Variants in SAMMSON observed in about 807,000 individuals in gnomAD.
SAMMSON encodes the protein survival associated mitochondrial melanoma specific oncogenic non-coding RNA.
chr3:70,339,894 C>T lies in SAMMSON; in HGVS notation n.740-14281C>T, dbSNP rs189301646. 2.0e-3 allele frequency among the ~76,000 whole-genome samples: 303 copies of T among 152,198 alleles called. 3 individuals are homozygous for T. Among genetic ancestry groups the T allele is most frequent in the African/African-American group, 6.7e-3 (277 of 41,510 alleles). On this transcript the variant is annotated intron_variant and non_coding_transcript_variant, in intron 7 of 9. Coordinates refer to ENST00000642114, the Ensembl canonical transcript of SAMMSON. ...GGAAATACCATTTGACCCAGCCATC[C>T]CATTACTGGGTATATACCCAAAGGA... is the stretch of plus-strand genomic sequence containing the variant.
chr3:70,116,318 A>G (rs1271505551), intron 4 of SAMMSON, among the ~76,000 whole-genome samples: 2 of 140,986 alleles, frequency 1.4e-5, no homozygotes, highest in Admixed American at 7.0e-5. Context: ...TTTAAAGAAA[A>G]TAGTCTGCAT....
In SAMMSON at chr3:70,261,664, G is replaced by A. The variant is rs576287760; in HGVS notation, n.674+11994G>A. On this transcript the variant is annotated intron_variant and non_coding_transcript_variant, in intron 6 of 9. Transcript: ENST00000642114. The stretch of plus-strand genomic sequence containing the variant: ...CATAAGTGCAGGACCAGCCAAAACT[G>A]GCCTTATTTTGTTGAAAACAGAATG... 2.0e-5 allele frequency among the ~76,000 whole-genome samples: 3 copies of A among 152,192 alleles called. No individual in the cohort carries two copies. The East Asian group carries it at 5.8e-4, about 29-fold the overall frequency.
intron 2 of SAMMSON, among the ~76,000 whole-genome samples, chr3:70,421,223 C>A (rs546520591): frequency 6.6e-6 from 1 of 151,920 alleles, no homozygotes; most frequent in Non-Finnish European, 1.5e-5. Context: ...AGCTGACTCT[C>A]GGCATAAGGA....
intron 4 of SAMMSON, among the ~76,000 whole-genome samples, chr3:70,190,562 T>C (rs2106711388): frequency 6.6e-6 from 1 of 152,352 alleles, no homozygotes; most frequent in East Asian, 1.9e-4. Flanking sequence ...TGACCTAATG[T>C]TTTCCAAAAA....
At chr3:70,170,212 G>T (rs1176996399) in intron 4 of SAMMSON, among the ~76,000 whole-genome samples, 1 of 151,792 alleles carries the variant, frequency 6.6e-6, no homozygotes, top group African/African-American at 2.4e-5. Context: ...TGAGAAAATG[G>T]ATCTAATGAG....
chr3:70,071,853 G>A (rs1458483095), intron 4 of SAMMSON: 1 of 151,802 alleles, frequency 6.6e-6, no homozygotes. Context: ...TATTTCCTGA[G>A]TTCTGTCCAA....
chr3:70,072,815 AGT>A (rs1174749019), intron 4 of SAMMSON: 1 of 152,030 alleles, frequency 6.6e-6, no homozygotes, highest in African/African-American at 2.4e-5. Flanking sequence ...ATAAATATGC[AGT>A]TTTTCAAATT....
intron 4 of SAMMSON, among the ~76,000 whole-genome samples, chr3:70,237,979 C>CTTTATTTTTTTTTTTTTTTT (rs1701627930): frequency 2.0e-5 from 1 of 48,932 alleles, no homozygotes; most frequent in African/African-American, 1.1e-4. Flanking sequence ...TGAGTGGTAT[C>CTTTATTTTTTTTTTTTTTTT]TTTTTTTTTT....
At chr3:70,106,506 AT>A (rs10715914) in intron 4 of SAMMSON, among the ~76,000 whole-genome samples, 79,408 of 144,628 alleles carry the variant, frequency 0.55, 22,363 homozygotes, top group East Asian at 0.94. Context: ...ATGCCTGGCT[AT>A]TTTTTTTTTT....
intron 3 of SAMMSON, among the ~76,000 whole-genome samples, chr3:70,020,089 C>G (rs775106601): frequency 2.1e-4 from 32 of 152,092 alleles, no homozygotes; most frequent in Non-Finnish European, 4.3e-4. Context: ...GCATCACAAC[C>G]AGACAAATGA....
rs182850058 is a variant in SAMMSON, at chr3:70,121,508, G to T, written n.507+49943G>T. Among the ~76,000 whole-genome samples the T allele has an allele frequency of 1.6e-3, 244 of 152,184 alleles. 3 individuals carry two copies. The highest frequency in any genetic ancestry group is 5.6e-3 in the African/African-American group (234 of 41,520). On this transcript the variant is annotated intron_variant and non_coding_transcript_variant, in intron 4 of 9. Coordinates refer to ENST00000642114, the Ensembl canonical transcript of SAMMSON. ...TTTACTTTAAAGAATTTTTACATTT[G>T]ATCTTTTAACAAAGCATCAGAAGAG... is the stretch of plus-strand genomic sequence containing the variant.
chr3:70,128,411 C>A (rs1033005997), intron 4 of SAMMSON, among the ~76,000 whole-genome samples: 2 of 152,132 alleles, frequency 1.3e-5, no homozygotes, highest in East Asian at 3.9e-4. Flanking sequence ...ACTTCACAGA[C>A]CCTGCTTGGA....
At chr3:70,431,680 G>A (rs1701413539) in intron 2 of SAMMSON, among the ~76,000 whole-genome samples, 1 of 151,866 alleles carries the variant, frequency 6.6e-6, no homozygotes, top group African/African-American at 2.4e-5. Flanking sequence ...AATTGTATAA[G>A]CTCATATAAT....
chr3:70,378,017 A>G (rs1394314412), intron 9 of SAMMSON, among the ~76,000 whole-genome samples: 3 of 152,002 alleles, frequency 2.0e-5, no homozygotes, highest in Non-Finnish European at 4.4e-5. Flanking sequence ...TACACGTTAA[A>G]AAGGTAATAT....
chr3:70,408,312 A>T (rs1701192595), intron 2 of SAMMSON, among the ~76,000 whole-genome samples: 1 of 152,104 alleles, frequency 6.6e-6, no homozygotes, highest in Non-Finnish European at 1.5e-5. Context: ...ACCAGCTTGA[A>T]TTTTTCCTCA....
chr3:70,108,326 A>G (rs866029817), intron 4 of SAMMSON, among the ~76,000 whole-genome samples: 6 of 151,150 alleles, frequency 4.0e-5, no homozygotes, highest in South Asian at 2.1e-4. Context: ...GCAGAAGGCT[A>G]GGTTTACGCA....
chr3:70,404,655 A>G (rs1000225284), intron 2 of SAMMSON, among the ~76,000 whole-genome samples: 2 of 152,206 alleles, frequency 1.3e-5, no homozygotes, highest in Admixed American at 1.3e-4. Flanking sequence ...ACCAGCATTT[A>G]AAAAATATCA....
intron 3 of SAMMSON, among the ~76,000 whole-genome samples, chr3:70,046,845 T>C (rs2067128565): frequency 6.6e-6 from 1 of 152,084 alleles, no homozygotes; most frequent in Admixed American, 6.6e-5. Context: ...CCCCTTCCTT[T>C]ATCCTCAAAG....
At chr3:70,324,842 G>A (rs1397916656) in intron 7 of SAMMSON, among the ~76,000 whole-genome samples, 1 of 151,540 alleles carries the variant, frequency 6.6e-6, no homozygotes, top group Non-Finnish European at 1.5e-5. Flanking sequence ...AGGTGATAGA[G>A]GAAATATTTC....
Sources: allele counts gnomAD v4.1 joint callset (sites outside exome capture counted in the v4.1 genomes callset), GRCh38; gene constraint gnomAD v4.1.1; transcripts MANE v1.5; gene names NCBI Gene and HGNC (gene_info 2026-07-23, HGNC 2026-07-21).